Variants in TPO observed in about 807,000 individuals in gnomAD.
TPO encodes the protein thyroid peroxidase.
TPO carries 78 observed loss-of-function variants against 96.9 expected under a neutral mutation model. The observed-to-expected ratio is 0.81, with a 90% confidence interval of 0.67 to 0.97. TPO has a LOEUF of 0.97. Among genes scored for constraint, TPO ranks in the 50% least tolerant of loss-of-function variants. TPO has a pLI of 0.00. For missense variants in TPO, 1,252 were observed against 1,274.8 expected, an observed-to-expected ratio of 0.98 and a Z score of 0.27; for synonymous variants, 547 against 538.0, an observed-to-expected ratio of 1.02 and a Z score of -0.23.
At chr2:1,422,383 G>GGT (rs1663812613) in intron 2 of TPO, among the ~76,000 whole-genome samples, 6 of 151,732 alleles carry the variant, frequency 4.0e-5, no homozygotes, top group Non-Finnish European at 4.4e-5. Flanking sequence ...ACCTCGTGCA[G>GGT]GCGCCGCGCT....
At chr2:1,379,864 G>T (rs1482023896) in intron 1 of TPO, among the ~76,000 whole-genome samples, 1 of 152,104 alleles carries the variant, frequency 6.6e-6, no homozygotes, top group Non-Finnish European at 1.5e-5. Context: ...AAATCTTTGA[G>T]AAATTTAGGG....
chr2:1,401,819 G>C (rs972536591), intron 1 of TPO, among the ~76,000 whole-genome samples: 2 of 152,182 alleles, frequency 1.3e-5, no homozygotes, highest in African/African-American at 4.8e-5. Context: ...CATCCTGAAA[G>C]TACACACCCC....
intron 3 of TPO, among the ~76,000 whole-genome samples, chr2:1,426,942 G>T (rs963963095): frequency 6.6e-6 from 1 of 152,174 alleles, no homozygotes; most frequent in African/African-American, 2.4e-5. Flanking sequence ...ATGGCCCTAG[G>T]CTTTTGGAAA....
At chr2:1,445,572 G>A (rs866179707) in intron 5 of TPO, among the ~76,000 whole-genome samples, 1,662 of 139,044 alleles carry the variant, frequency 0.012, 17 homozygotes, top group East Asian at 0.032. Context: ...AATGGGGCAG[G>A]CTCCTTCTTG....
At chr2:1,478,557 G>C (rs1468256518) in intron 8 of TPO, among the ~76,000 whole-genome samples, 1 of 152,248 alleles carries the variant, frequency 6.6e-6, no homozygotes, top group Non-Finnish European at 1.5e-5. Flanking sequence ...AAAGGTCAGA[G>C]CAGAGGGTCT....
intron 13 of TPO, among the ~76,000 whole-genome samples, chr2:1,503,051 C>A (rs1006010478): frequency 6.6e-6 from 1 of 152,182 alleles, no homozygotes; most frequent in Non-Finnish European, 1.5e-5. Flanking sequence ...GTGGCCGAGT[C>A]GGGGACCAAG....
At chr2:1,428,834 G>A (rs1275109680) in intron 3 of TPO, among the ~76,000 whole-genome samples, 1 of 152,092 alleles carries the variant, frequency 6.6e-6, no homozygotes, top group East Asian at 1.9e-4. Flanking sequence ...GGCGAGTCCT[G>A]GGGAACCTGC....
At position 1,477,684 on chromosome 2, in the gene TPO, C is replaced by T; in HGVS notation, c.1338+80C>T. ...CTCGTGTGGGTGCGCAGCATCGTGG[C>T]TTCTCTCTCCCAGGTACTTGCACAG... On this transcript the variant is annotated intron_variant, in intron 8 of 16. Coordinates refer to ENST00000329066, the MANE Select transcript of TPO (RefSeq NM_001206744.2). 2.1e-6 allele frequency: 3 copies of T among 1,398,062 alleles called. No homozygotes were observed. The East Asian group carries it at 8.4e-5, about 39-fold the overall frequency. The allele number at this position is 1,398,062 out of a possible 1,614,324, so 86.6% of individuals were successfully genotyped here.
At chr2:1,541,151 G>A in intron 16 of TPO, 3 of 1,178,484 alleles carry the variant, frequency 2.5e-6, no homozygotes, top group Non-Finnish European at 3.2e-6. Flanking sequence ...AGAACCCCAA[G>A]GGAGGCCATA....
chr2:1,525,091 G>A, intron 15 of TPO, among the ~76,000 whole-genome samples: 1 of 56,542 alleles, frequency 1.8e-5, no homozygotes, highest in East Asian at 4.7e-4. Flanking sequence ...TCCCCCTACT[G>A]TGTGCAACCT....
chr2:1,526,578 GCCACTGTGAGCAA>G (rs1676555484), intron 15 of TPO, among the ~76,000 whole-genome samples: 1 of 107,456 alleles, frequency 9.3e-6, no homozygotes, highest in African/African-American at 3.7e-5. Flanking sequence ...CAAATCCCAC[GCCACTGTGAGCAA>G]CCTCCACAAA....
chr2:1,504,765 C>T (rs552315950), intron 14 of TPO, among the ~76,000 whole-genome samples: 4 of 152,294 alleles, frequency 2.6e-5, no homozygotes, highest in African/African-American at 4.8e-5. Flanking sequence ...GGGCGAGAGA[C>T]GCTCCTGGTC....
chr2:1,537,506 C>CCCCACTGTGTGCCACCTCCCAAAAT (rs1680065743), intron 15 of TPO, among the ~76,000 whole-genome samples: 1 of 32,848 alleles, frequency 3.0e-5, no homozygotes, highest in African/African-American at 9.1e-5. Context: ...CCCCAAATCC[C>CCCCACTGTGTGCCACCTCCCAAAAT]CCCAACTCTG....
In TPO at chr2:1,503,940, T is replaced by G. The variant is rs1413202914; in HGVS notation, c.2387-8T>G. On this transcript the variant is annotated splice_region_variant and splice_polypyrimidine_tract_variant and intron_variant, in intron 13 of 16. Coordinates refer to ENST00000329066, the MANE Select transcript of TPO (RefSeq NM_001206744.2). ...CCTCTCACGTGTGTGGCCTTGTGTG[T>G]CTGGCAGATGTGAACGAGTGTGCAG... The G allele has an allele frequency of 6.2e-7, 1 of 1,614,150 alleles. No homozygotes were observed. The highest frequency in any genetic ancestry group is 2.2e-5 in the East Asian group (1 of 44,862).
intron 8 of TPO, among the ~76,000 whole-genome samples, chr2:1,483,158 G>A (rs761676067): frequency 1.3e-5 from 2 of 152,216 alleles, no homozygotes; most frequent in Non-Finnish European, 2.9e-5. Flanking sequence ...GGCAAGATCA[G>A]ACACTGAGGA....
intron 5 of TPO, among the ~76,000 whole-genome samples, chr2:1,447,047 G>A (rs1467921403): frequency 1.3e-5 from 2 of 151,996 alleles, no homozygotes; most frequent in Non-Finnish European, 2.9e-5. Flanking sequence ...TAAGTCTTGC[G>A]ATCATCTGAA....
At chr2:1,378,486 A>T (rs35046247) in intron 1 of TPO, among the ~76,000 whole-genome samples, 4 of 152,146 alleles carry the variant, frequency 2.6e-5, no homozygotes, top group African/African-American at 4.8e-5. Context: ...GGCTCAGAGC[A>T]CACAGCCCAT....
chr2:1,383,615 G>A (rs919107768), intron 1 of TPO, among the ~76,000 whole-genome samples: 1 of 152,046 alleles, frequency 6.6e-6, no homozygotes, highest in African/African-American at 2.4e-5. Context: ...GTAGATTCTG[G>A]GTATCAGCCC....
chr2:1,415,334 G>A (rs571518871), intron 2 of TPO, among the ~76,000 whole-genome samples: 120 of 136,370 alleles, frequency 8.8e-4, no homozygotes, highest in Middle Eastern at 5.0e-3. Flanking sequence ...ACACAGTCCC[G>A]GGGCCCCTGG....
Sources: allele counts gnomAD v4.1 joint callset (sites outside exome capture counted in the v4.1 genomes callset), GRCh38; gene constraint gnomAD v4.1.1; transcripts MANE v1.5; gene names NCBI Gene and HGNC (gene_info 2026-07-23, HGNC 2026-07-21).